Variants in PRDX2 observed in about 807,000 individuals in gnomAD.
PRDX2 encodes peroxiredoxin-2.
PRDX2 carries 10 observed loss-of-function variants against 19.8 expected under a neutral mutation model. The observed-to-expected ratio is 0.50, with a 90% CI of 0.31 to 0.86. The LOEUF is 0.86. PRDX2 is among the 40% of genes least tolerant of loss of function. PRDX2 has a pLI of 0.04. For synonymous variants in PRDX2, 118 were observed against 108.2 expected (o/e 1.09, Z -0.56); for missense variants, 226 against 260.1 (o/e 0.87, Z 0.90).
intron 5 of PRDX2, among the ~76,000 whole-genome samples, chr19:12,798,455 G>T (rs143362519): frequency 1.3e-5 from 2 of 151,714 alleles, no homozygotes; most frequent in African/African-American, 2.4e-5. Flanking sequence ...AGCTTCAAAC[G>T]ATTCTCTTGC....
At chr19:12,798,092 T>G (rs1968825003) in intron 5 of PRDX2, among the ~76,000 whole-genome samples, 1 of 152,094 alleles carries the variant, frequency 6.6e-6, no homozygotes, top group African/African-American at 2.4e-5. Flanking sequence ...TTGCCCAGGC[T>G]GGAGTGCAGT....
Position 12,799,872 on chromosome 19 carries a change from G to T in PRDX2, c.498C>A (p.Asp166Glu). The change falls in exon 5 of 6, where the codon GAC becomes GAA. Residue 166 changes from aspartate to glutamate, a missense_variant. Physicochemically the swap from Asp to Glu is conservative, Grantham distance 45. Transcript: ENST00000301522. ...LRLVQAFQYT[D>E]EHGEVCPAGW... ...GTATCTGCTCACCTTCCCCATGCTC[G>T]TCTGTGTACTGGAAGGCCTGGACCA... The T allele has an allele frequency of 6.2e-7, 1 of 1,612,628 alleles. No homozygotes were observed. Among genetic ancestry groups the T allele is most frequent in the Non-Finnish European group, 8.5e-7 (1 of 1,179,838 alleles).
intron 3 of PRDX2, chr19:12,800,651 C>A: frequency 7.2e-7 from 1 of 1,395,236 alleles, no homozygotes; most frequent in Non-Finnish European, 9.5e-7. Context: ...TGAAATAGGG[C>A]AGCACAGCCT....
Position 12,799,938 on chromosome 19 carries a change from A to G in PRDX2, c.432T>C (p.Asn144=). 6.2e-7 allele frequency: 1 copy of G among 1,614,078 alleles called. No individual in the cohort carries two copies. The highest frequency in any genetic ancestry group is 8.5e-7 in the Non-Finnish European group (1 of 1,180,010). The change falls in exon 5 of 6, where the codon AAT becomes AAC. Residue 144 remains asparagine, a synonymous_variant. Transcript: ENST00000301522. ...CCACGGAGCGTCCCACAGGCAAATC[A>G]TTAACAGTGATCTGGCGAAGGACAC... ...GKGVLRQITV[N]DLPVGRSVDE...
intron 3 of PRDX2, 99 bp downstream of exon 3, chr19:12,800,817 C>G (rs777613891): frequency 6.4e-7 from 1 of 1,550,676 alleles, no homozygotes. Flanking sequence ...GATGGGGAAA[C>G]GCAGGTTCCA....
intron 3 of PRDX2, 170 bp downstream of exon 3, chr19:12,800,746 A>T: frequency 6.6e-7 from 1 of 1,518,066 alleles, no homozygotes; most frequent in Non-Finnish European, 8.9e-7. Context: ...ACTAGTTGTC[A>T]AATGCTAATT....
chr19:12,801,140 C>G lies in PRDX2; in HGVS notation c.103+19G>C, dbSNP rs369565921. The G allele has an allele frequency of 1.9e-6, 3 of 1,613,828 alleles. No homozygotes were observed. The highest frequency in any genetic ancestry group is 2.5e-6 in the Non-Finnish European group (3 of 1,180,000). On this transcript the variant is annotated intron_variant, in intron 2 of 5. Coordinates refer to ENST00000301522, the MANE Select transcript of PRDX2 (RefSeq NM_005809.6). ...GCACGGCCCCGCTTCTACCTGGGCC[C>G]CCTCCGGGCGGCGCTCACCTTTGTA...
At chr19:12,797,191 A>T in intron 5 of PRDX2, 25 bp from the exon 6 acceptor site, 1 of 1,604,666 alleles carries the variant, frequency 6.2e-7, no homozygotes, top group Non-Finnish European at 8.5e-7. Context: ...AAGGATGCAC[A>T]TGAAGGCTAC....
At chr19:12,800,367 C>T in intron 3 of PRDX2, 68 bp from the exon 4 acceptor site, 1 of 1,558,678 alleles carries the variant, frequency 6.4e-7, no homozygotes, top group Non-Finnish European at 8.7e-7. Flanking sequence ...ACCCTGTGGG[C>T]CCAATGTGAT....
At position 12,800,524 on chromosome 19, in the gene PRDX2, G is replaced by C; in HGVS notation, c.258-225C>G. 6.2e-6 allele frequency: 5 copies of C among 800,832 alleles called. No homozygotes were observed. In the South Asian group the frequency reaches 9.5e-5, roughly 15 times the overall value. 49.6% of individuals were successfully genotyped at this position (800,832 alleles called of 1,614,324 possible). On this transcript the variant is annotated intron_variant, in intron 3 of 5. Transcript: ENST00000301522. ...CAGCTCCAGCTAAGTGGCTTCACAT[G>C]TACTTGTAACTTGCAGCATCACCCA...
chr19:12,799,701 C>A, intron 5 of PRDX2, 158 bp downstream of exon 5: 1 of 1,045,428 alleles, frequency 9.6e-7, no homozygotes. Context: ...TATTTGTCTC[C>A]TACCACATTA....
intron 3 of PRDX2, 100 bp from the exon 4 acceptor site, chr19:12,800,399 A>AG: frequency 6.8e-7 from 1 of 1,472,550 alleles, no homozygotes; most frequent in Non-Finnish European, 9.2e-7. Context: ...GCCGGAGATA[A>AG]GGGGCTTTAG....
At position 12,800,206 on chromosome 19, in the gene PRDX2, C is replaced by G. The variant is rs760438527; in HGVS notation, c.351G>C (p.Val117=). 188 of 1,613,808 alleles carry G rather than the reference C, an allele frequency of 1.2e-4. No homozygotes were observed. The highest frequency in any genetic ancestry group is 1.5e-4 in the Non-Finnish European group (176 of 1,180,006). The change falls in exon 4 of 6, where the codon GTG becomes GTC. Residue 117 remains valine, a synonymous_variant. Transcript: ENST00000301522. ...AGGCAATGCCCTCATCTGTTTTCAG[C>G]ACGCCGTAATCCTCAGACAAGCGTC... ...VTRRLSEDYG[V]LKTDEGIAYR...
chr19:12,799,493 G>T (rs1054886198), intron 5 of PRDX2: 2 of 183,262 alleles, frequency 1.1e-5, no homozygotes, highest in African/African-American at 2.4e-5. Context: ...CAAGTAGCTG[G>T]GATTACAAGT....
At chr19:12,797,230 A>G in intron 5 of PRDX2, 64 bp from the exon 6 acceptor site, 1 of 1,432,342 alleles carries the variant, frequency 7.0e-7, no homozygotes, top group Non-Finnish European at 9.8e-7. Context: ...AAGCAAAGCA[A>G]GGGCCTGTGT....
intron 3 of PRDX2, 189 bp downstream of exon 3, chr19:12,800,727 T>C: frequency 5.3e-6 from 8 of 1,502,140 alleles, no homozygotes; most frequent in Non-Finnish European, 7.1e-6. Context: ...CAACTCTATA[T>C]ACCAGGCAAC....
At position 12,799,812 on chromosome 19, in the gene PRDX2, C is replaced by T. The variant is rs548363771; in HGVS notation, c.511+47G>A. 2.3e-4 allele frequency: 374 copies of T among 1,592,928 alleles called. 6 individuals are homozygous for T. In the South Asian group the frequency reaches 3.1e-3, roughly 13 times the overall value. The stretch of plus-strand genomic sequence containing the variant: ...AGGCAGTGAATGTTTGCATGAGTGA[C>T]GGAGGCGCTCAGTATGTACCCATGT... On this transcript the variant is annotated intron_variant, in intron 5 of 5. Coordinates refer to ENST00000301522, the MANE Select transcript of PRDX2 (RefSeq NM_005809.6).
At chr19:12,798,898 T>C (rs1968840280) in intron 5 of PRDX2, among the ~76,000 whole-genome samples, 1 of 151,546 alleles carries the variant, frequency 6.6e-6, no homozygotes, top group Non-Finnish European at 1.5e-5. Flanking sequence ...CCCCTACAGG[T>C]TTTTTTGTTG....
At chr19:12,799,738 G>A (rs751888679) in intron 5 of PRDX2, 121 bp downstream of exon 5, 15 of 1,353,964 alleles carry the variant, frequency 1.1e-5, no homozygotes, top group Non-Finnish European at 1.5e-5. Flanking sequence ...AAAGCCCTGA[G>A]CTGAATCTTC....
Sources: allele counts gnomAD v4.1 joint callset (sites outside exome capture counted in the v4.1 genomes callset), GRCh38; gene constraint gnomAD v4.1.1; transcripts MANE v1.5; gene names NCBI Gene and HGNC (gene_info 2026-07-23, HGNC 2026-07-21).